Variants in REDIC1 observed in about 807,000 individuals in gnomAD.
REDIC1 encodes the protein HEI10 Interacting Protein 1.
the REDIC1 span, among the ~76,000 whole-genome samples, chr12:39,900,464 T>G: frequency 6.6e-6 from 1 of 150,908 alleles, no homozygotes; most frequent in East Asian, 1.9e-4. Context: ...AAAATCTCCT[T>G]AAGCTGATAA....
the REDIC1 span, among the ~76,000 whole-genome samples, chr12:39,808,876 C>T: frequency 6.6e-6 from 1 of 152,006 alleles, no homozygotes; most frequent in Admixed American, 6.6e-5. Context: ...GCTTTGTATT[C>T]TCTTAACAAT....
the REDIC1 span, among the ~76,000 whole-genome samples, chr12:39,812,337 TTTTTC>T: frequency 0.31 from 41,780 of 134,870 alleles, 6,820 homozygotes; most frequent in Non-Finnish European, 0.36. Flanking sequence ...ACTAATTTCT[TTTTTC>T]TTTTCTTTTC....
chr12:39,826,565 C>G, the REDIC1 span, among the ~76,000 whole-genome samples: 1 of 149,106 alleles, frequency 6.7e-6, no homozygotes, highest in East Asian at 2.0e-4. Flanking sequence ...CTATATTTAA[C>G]AAATTGAAAA....
At chr12:39,760,135 A>G in the REDIC1 span, 1 of 1,613,042 alleles carries the variant, frequency 6.2e-7, no homozygotes, top group East Asian at 2.2e-5. Flanking sequence ...ACATGTACAT[A>G]GCCTGTTGTC....
At chr12:39,689,255 A>G in the REDIC1 span, among the ~76,000 whole-genome samples, 4 of 152,250 alleles carry the variant, frequency 2.6e-5, no homozygotes, top group Non-Finnish European at 4.4e-5. Flanking sequence ...GAATCACTAC[A>G]TGGAGGAAAA....
chr12:39,717,738 G>C, the REDIC1 span, among the ~76,000 whole-genome samples: 1 of 152,030 alleles, frequency 6.6e-6, no homozygotes, highest in Non-Finnish European at 1.5e-5. Context: ...ATCATAGAAA[G>C]GTCTATGTCG....
chr12:39,870,448 T>C, the REDIC1 span, among the ~76,000 whole-genome samples: 1 of 152,200 alleles, frequency 6.6e-6, no homozygotes, highest in African/African-American at 2.4e-5. Flanking sequence ...TGGATAGCTC[T>C]GATTATTGGG....
At chr12:39,759,717 G>GA in the REDIC1 span, 1 of 260,684 alleles carries the variant, frequency 3.8e-6, no homozygotes, top group Non-Finnish European at 7.3e-6. Context: ...ATGGTCTTAG[G>GA]AAAAAAGGAT....
At chr12:39,842,987 C>A in the REDIC1 span, among the ~76,000 whole-genome samples, 1 of 152,028 alleles carries the variant, frequency 6.6e-6, no homozygotes, top group East Asian at 1.9e-4. Flanking sequence ...TAGGATATAT[C>A]ACACTTCATG....
chr12:39,852,902 A>C, the REDIC1 span, among the ~76,000 whole-genome samples: 1 of 152,134 alleles, frequency 6.6e-6, no homozygotes, highest in South Asian at 2.1e-4. Context: ...CTTCATTCAC[A>C]TAGGGTGTAA....
the REDIC1 span, chr12:39,646,578 G>A: frequency 1.0e-6 from 1 of 975,356 alleles, no homozygotes; most frequent in South Asian, 2.2e-5. Flanking sequence ...TGTTTGTTTG[G>A]CTGTTAACAG....
At chr12:39,679,368 TAAGCTGAG>T in the REDIC1 span, among the ~76,000 whole-genome samples, 1 of 152,124 alleles carries the variant, frequency 6.6e-6, no homozygotes, top group African/African-American at 2.4e-5. Context: ...CAACACTGAA[TAAGCTGAG>T]AATCAAATCA....
chr12:39,808,205 T>C, the REDIC1 span, among the ~76,000 whole-genome samples: 2 of 152,124 alleles, frequency 1.3e-5, no homozygotes, highest in East Asian at 1.9e-4. Context: ...TTGTACAGTA[T>C]ATATTGTTTT....
At chr12:39,632,831 A>T in the REDIC1 span, among the ~76,000 whole-genome samples, 1 of 152,194 alleles carries the variant, frequency 6.6e-6, no homozygotes, top group Non-Finnish European at 1.5e-5. Context: ...CTTAATATAG[A>T]AAAGATGCAG....
the REDIC1 span, among the ~76,000 whole-genome samples, chr12:39,703,884 T>C: frequency 6.6e-6 from 1 of 152,154 alleles, no homozygotes; most frequent in African/African-American, 2.4e-5. Flanking sequence ...TGTAGAAAGC[T>C]GAAACTGGAT....
At chr12:39,816,139 T>C in the REDIC1 span, among the ~76,000 whole-genome samples, 1 of 152,202 alleles carries the variant, frequency 6.6e-6, no homozygotes, top group South Asian at 2.1e-4. Flanking sequence ...TGCCTATTCC[T>C]TTTTAAGTTT....
chr12:39,831,258 G>C, the REDIC1 span, among the ~76,000 whole-genome samples: 3 of 152,120 alleles, frequency 2.0e-5, no homozygotes, highest in Non-Finnish European at 4.4e-5. Context: ...TTAACGATGA[G>C]AGCTGGGAAC....
the REDIC1 span, chr12:39,692,155 C>G: frequency 7.1e-7 from 1 of 1,408,050 alleles, no homozygotes; most frequent in South Asian, 1.4e-5. Context: ...ATTTTAAAAA[C>G]TAACAATTAA....
the REDIC1 span, among the ~76,000 whole-genome samples, chr12:39,649,419 C>A: frequency 4.6e-5 from 7 of 151,476 alleles, no homozygotes; most frequent in East Asian, 1.4e-3. Flanking sequence ...ATATTATATT[C>A]TCTTCTCTTT....
Sources: gnomAD v4.1 joint callset for allele counts (sites outside exome capture counted in the v4.1 genomes callset) on GRCh38, gnomAD v4.1.1 for gene constraint, MANE v1.5 for transcripts, NCBI Gene and HGNC (gene_info 2026-07-23, HGNC 2026-07-21) for gene names.